The following CDH23 variants were observed in gnomAD, a reference collection of about 807,000 sequenced individuals.
CDH23 encodes the protein cadherin related 23.
CDH23 carries 189 observed loss-of-function variants against 317.1 expected under a neutral mutation model. The observed-to-expected ratio is 0.60, with a 90% CI of 0.53 to 0.67. The LOEUF (loss-of-function observed/expected upper bound fraction) is 0.67, where lower values mean the gene tolerates loss of function less well. CDH23 is among the 30% of genes least tolerant of loss of function. The pLI is 0.00. For synonymous variants in CDH23, 1,839 were observed against 1,876.8 expected (o/e 0.98, Z 0.52); for missense variants, 4,401 against 4,592.4 (o/e 0.96, Z 1.20).
At chr10:71,810,332 G>A in intron 61 of CDH23, 140 bp from the exon 62 acceptor site, 1 of 872,656 alleles carries the variant, frequency 1.1e-6, no homozygotes, top group Non-Finnish European at 1.9e-6. Flanking sequence ...ACCGTGCCTG[G>A]TCCTCAGCAA....
intron 6 of CDH23, among the ~76,000 whole-genome samples, chr10:71,566,130 G>C (rs1272497378): frequency 6.6e-6 from 1 of 152,164 alleles, no homozygotes. Flanking sequence ...GTGAGGAGGA[G>C]AGGGGCGCCC....
At chr10:71,659,931 GTTTCT>G (rs980694257) in intron 14 of CDH23, among the ~76,000 whole-genome samples, 1 of 136,174 alleles carries the variant, frequency 7.3e-6, no homozygotes, top group Non-Finnish European at 1.6e-5. Context: ...TGACTCAGCT[GTTTCT>G]TTTCTTTTCT....
intron 3 of CDH23, among the ~76,000 whole-genome samples, chr10:71,506,139 G>T (rs963633019): frequency 6.6e-6 from 1 of 152,146 alleles, no homozygotes; most frequent in Non-Finnish European, 1.5e-5. Context: ...GGCACAAAAG[G>T]CCACATACTG....
At chr10:71,567,074 T>C (rs867152289) in intron 7 of CDH23, 138 bp downstream of exon 7, 3 of 859,206 alleles carry the variant, frequency 3.5e-6, no homozygotes, top group South Asian at 1.7e-5. Context: ...GTGACAGTCA[T>C]GATAGAAATG....
chr10:71,624,415 A>G (rs1589273009), intron 11 of CDH23, among the ~76,000 whole-genome samples: 1 of 152,172 alleles, frequency 6.6e-6, no homozygotes, highest in East Asian at 1.9e-4. Context: ...GACCTTGGGG[A>G]CTTATTTATC....
intron 11 of CDH23, among the ~76,000 whole-genome samples, chr10:71,620,895 G>A (rs74145207): frequency 9.7e-4 from 147 of 152,324 alleles, no homozygotes; most frequent in African/African-American, 3.4e-3. Flanking sequence ...TTTCGGCCCA[G>A]CCCTGCTCTC....
At chr10:71,729,358 C>A (rs16929269) in intron 30 of CDH23, among the ~76,000 whole-genome samples, 4,366 of 152,266 alleles carry the variant, frequency 0.029, 229 homozygotes, top group African/African-American at 0.1. Flanking sequence ...CAGGGTGCAA[C>A]CAGCAAGGAA....
At chr10:71,468,313 T>A (rs1468031157) in intron 3 of CDH23, among the ~76,000 whole-genome samples, 2 of 152,194 alleles carry the variant, frequency 1.3e-5, no homozygotes, top group African/African-American at 4.8e-5. Context: ...GGCAGGTGCT[T>A]GGACATGATA....
chr10:71,496,244 T>C (rs115081585), intron 3 of CDH23, among the ~76,000 whole-genome samples: 2,595 of 152,340 alleles, frequency 0.017, 57 homozygotes, highest in African/African-American at 0.054. Flanking sequence ...GAAATCAGGT[T>C]GAGATGCATG....
chr10:71,582,467 C>T (rs908609323), intron 9 of CDH23, among the ~76,000 whole-genome samples: 5 of 152,110 alleles, frequency 3.3e-5, no homozygotes, highest in Admixed American at 6.5e-5. Flanking sequence ...TTAATGTTAT[C>T]TATTTCTTTT....
chr10:71,647,190 C>G, intron 14 of CDH23: 1 of 700,966 alleles, frequency 1.4e-6, no homozygotes, highest in Non-Finnish European at 1.8e-6. Flanking sequence ...AGGCCGGGCT[C>G]GGTGGCTCAC....
chr10:71,732,667 T>C, intron 32 of CDH23: 2 of 1,378,206 alleles, frequency 1.5e-6, no homozygotes, highest in Non-Finnish European at 1.9e-6. Context: ...CCGAGATCAA[T>C]ATCCCTGTAA....
chr10:71,668,846 T>C (rs1470543844), intron 14 of CDH23, among the ~76,000 whole-genome samples: 1 of 152,092 alleles, frequency 6.6e-6, no homozygotes, highest in African/African-American at 2.4e-5. Context: ...TTCACCCCCG[T>C]ATGTATTTAT....
intron 6 of CDH23, among the ~76,000 whole-genome samples, chr10:71,557,082 A>C (rs536365905): frequency 1.3e-5 from 2 of 152,320 alleles, no homozygotes; most frequent in East Asian, 3.9e-4. Context: ...CCTTCTCTTA[A>C]CATTCACTAT....
chr10:71,764,299 G>C (rs1408222649), intron 38 of CDH23, among the ~76,000 whole-genome samples: 1 of 152,142 alleles, frequency 6.6e-6, no homozygotes, highest in Non-Finnish European at 1.5e-5. Context: ...CCATTGCACT[G>C]ATGAAGAAAC....
Position 71,643,442 on chromosome 10 carries a change from G to A in CDH23, c.1135-419G>A, listed in dbSNP as rs559931880. Among the ~76,000 whole-genome samples the A allele has an allele frequency of 2.9e-4, 44 of 152,272 alleles. 2 individuals carry two copies. The South Asian group carries it at 8.7e-3, about 30-fold the overall frequency. ...ATGGGGGTGTTTGGGGTTGTTTCCTGCAGGGATTTTATCCAGGCTCCAGGG... is the reference window on the plus strand; with the variant it reads ...ATGGGGGTGTTTGGGGTTGTTTCCTACAGGGATTTTATCCAGGCTCCAGGG... On this transcript the variant is annotated intron_variant, in intron 11 of 69. Transcript: ENST00000224721.
At chr10:71,654,308 G>C (rs1863317607) in intron 14 of CDH23, among the ~76,000 whole-genome samples, 3 of 152,176 alleles carry the variant, frequency 2.0e-5, no homozygotes, top group African/African-American at 7.2e-5. Flanking sequence ...AGCTTACGTG[G>C]CTTGCCCTGG....
At chr10:71,496,822 C>CT (rs1853001015) in intron 3 of CDH23, among the ~76,000 whole-genome samples, 2 of 102,410 alleles carry the variant, frequency 2.0e-5, no homozygotes, top group Admixed American at 8.6e-5. Flanking sequence ...TGTATGTGGT[C>CT]TGGTGTACAG....
At chr10:71,811,010 G>C (rs542127992) in intron 62 of CDH23, among the ~76,000 whole-genome samples, 6 of 150,918 alleles carry the variant, frequency 4.0e-5, no homozygotes, top group African/African-American at 1.5e-4. Context: ...AACCTGGCAG[G>C]TGGAGTTTGC....
Sources: allele counts gnomAD v4.1 joint callset (sites outside exome capture counted in the v4.1 genomes callset), GRCh38; gene constraint gnomAD v4.1.1; transcripts MANE v1.5; gene names NCBI Gene and HGNC (gene_info 2026-07-23, HGNC 2026-07-21).